Variants in MKRN2OS observed in about 807,000 individuals in gnomAD.
MKRN2OS encodes the protein MKRN2 opposite strand protein.
Under a neutral mutation model 18.2 loss-of-function variants are expected in MKRN2OS, and 17 were observed. That is an observed-to-expected ratio of 0.93 (90% CI 0.64 to 1.40). The LOEUF (loss-of-function observed/expected upper bound fraction) is 1.40. Among genes scored for constraint, MKRN2OS ranks in the 40% most tolerant of loss-of-function variants. The pLI is 0.00. For synonymous variants in MKRN2OS, 121 were observed against 108.5 expected, an observed-to-expected ratio of 1.12 and a Z score of -0.72; for missense variants, 337 against 283.0, an observed-to-expected ratio of 1.19 and a Z score of -1.37.
downstream of MKRN2OS, among the ~76,000 whole-genome samples, chr3:12,550,904 G>T (rs1680159029): frequency 6.6e-6 from 1 of 152,072 alleles, no homozygotes; most frequent in South Asian, 2.1e-4. Flanking sequence ...TTCCCTAGTG[G>T]GTACATATCC....
At chr3:12,554,362 TCTAAGTG>T (rs1324163701) in intron 1 of MKRN2OS, among the ~76,000 whole-genome samples, 1 of 151,990 alleles carries the variant, frequency 6.6e-6, no homozygotes, top group Non-Finnish European at 1.5e-5. Flanking sequence ...TCGGGAAAAG[TCTAAGTG>T]CTAAGTACCA....
At chr3:12,549,253 A>ATTTG (rs548354263), upstream of MKRN2OS, among the ~76,000 whole-genome samples, 309 of 135,768 alleles carry the variant, frequency 2.3e-3, 2 homozygotes, top group Middle Eastern at 0.039. Flanking sequence ...TATGTTATTT[A>ATTTG]TTTGTTTGTT....
rs1217174632 is a variant in MKRN2OS at position 12,540,435 on chromosome 3, T to C, written c.432-2A>G. ...CAGTTATGGTGGTTGTCTTCATACC[T>C]TATGGAGGAGAATAAGGGTGTTGAG... On this transcript the variant is annotated splice_acceptor_variant, in intron 3 of 3. Coordinates refer to ENST00000564146, the MANE Select transcript of MKRN2OS (RefSeq NM_001195279.2). LOFTEE classifies it high-confidence loss of function. 1.4e-5 allele frequency: 22 copies of C among 1,535,954 alleles called. No homozygotes were observed. The highest frequency in any genetic ancestry group is 1.9e-5 in the Non-Finnish European group (22 of 1,146,894).
chr3:12,543,276 A>G (rs1267369201), intron 1 of MKRN2OS, 47 bp from the exon 2 acceptor site: 2 of 1,483,008 alleles, frequency 1.3e-6, no homozygotes, highest in Non-Finnish European at 9.1e-7. Context: ...TGTATTTGGC[A>G]TGAAGAATTG....
At chr3:12,551,571 G>C (rs1273894242), downstream of MKRN2OS, among the ~76,000 whole-genome samples, 1 of 151,388 alleles carries the variant, frequency 6.6e-6, no homozygotes, top group African/African-American at 2.4e-5. Context: ...ATACACGAAA[G>C]GATAAATAAA....
At chr3:12,555,728 C>A (rs1199438434) in intron 1 of MKRN2OS, among the ~76,000 whole-genome samples, 1 of 152,230 alleles carries the variant, frequency 6.6e-6, no homozygotes, top group African/African-American at 2.4e-5. Flanking sequence ...GGAAGCCCTT[C>A]TGGGGTGTCG....
intron 1 of MKRN2OS, among the ~76,000 whole-genome samples, chr3:12,555,774 G>A (rs1481558035): frequency 6.6e-6 from 1 of 152,108 alleles, no homozygotes; most frequent in African/African-American, 2.4e-5. Flanking sequence ...CTGCAGCCTC[G>A]ACTGCAGTGA....
chr3:12,551,657 C>T (rs1430391394), downstream of MKRN2OS, among the ~76,000 whole-genome samples: 1 of 151,954 alleles, frequency 6.6e-6, no homozygotes, highest in Non-Finnish European at 1.5e-5. Flanking sequence ...AAATCAAGGC[C>T]AGGCATAGTG....
chr3:12,552,927 G>T (rs2057940166), downstream of MKRN2OS, among the ~76,000 whole-genome samples: 1 of 150,314 alleles, frequency 6.7e-6, no homozygotes, highest in Non-Finnish European at 1.5e-5. Context: ...CCAGCTACTT[G>T]AGGGGCTGAA....
Position 12,539,981 on chromosome 3 carries a change from C to G in MKRN2OS, c.*212G>C, listed in dbSNP as rs544720135. 4.7e-4 allele frequency: 275 copies of G among 587,766 alleles called. 1 individual carries two copies. In the South Asian group the frequency reaches 5.5e-3, roughly 12 times the overall value. 36.4% of individuals were successfully genotyped at this position (587,766 alleles called of 1,614,324 possible). A position where few individuals can be genotyped will look rare whatever the true frequency, so the allele number is the denominator to read the frequency against. On this transcript the variant is annotated 3_prime_UTR_variant, in exon 4 of 4. Transcript: ENST00000564146. Reference sequence around the variant, plus strand: ...TATATTTTTAGTAAGGACGGGGTTTCTCCATGTTGGTCAGGCTGGTCTCAA... The same window carrying G: ...TATATTTTTAGTAAGGACGGGGTTTGTCCATGTTGGTCAGGCTGGTCTCAA...
downstream of MKRN2OS, among the ~76,000 whole-genome samples, chr3:12,551,459 C>A (rs1366498375): frequency 6.6e-6 from 1 of 150,758 alleles, no homozygotes; most frequent in Non-Finnish European, 1.5e-5. Context: ...TGTGCCTCTG[C>A]ACTCCAGCCT....
At chr3:12,547,185 C>A (rs910370324), upstream of MKRN2OS, among the ~76,000 whole-genome samples, 8 of 152,154 alleles carry the variant, frequency 5.3e-5, no homozygotes, top group African/African-American at 1.9e-4. Context: ...TTGTTTCTCA[C>A]ATAACATTTC....
At chr3:12,551,394 C>T (rs541041836), downstream of MKRN2OS, among the ~76,000 whole-genome samples, 1 of 151,798 alleles carries the variant, frequency 6.6e-6, no homozygotes, top group African/African-American at 2.4e-5. Flanking sequence ...ACTCGGGAGG[C>T]TGAGGCAGGA....
Position 12,541,986 on chromosome 3 carries a change from C to T in MKRN2OS, c.305G>A (p.Arg102Gln), listed in dbSNP as rs556445854. Residue 102 changes from arginine (R) to glutamine (Q), a missense_variant, in exon 3 of 4, where the codon CGA (arginine) becomes CAA (glutamine). Transcript: ENST00000564146. Reference sequence around the variant, plus strand: ...GCTCTCTTCCCACCCTTCTCCGTCTCGCTGGACACCATGTGCACTGTAATT... The same window carrying T: ...GCTCTCTTCCCACCCTTCTCCGTCTTGCTGGACACCATGTGCACTGTAATT... ...VYNYSAHGVQ[R>Q]DGEGWEESIS... 4.5e-4 allele frequency: 687 copies of T among 1,535,926 alleles called. 1 individual carries two copies. The highest frequency in any genetic ancestry group is 2.3e-3 in the Middle Eastern group (14 of 6,012).
At position 12,540,273 on chromosome 3, in the gene MKRN2OS, C is replaced by T. The variant is rs1424900581; in HGVS notation, c.592G>A (p.Ala198Thr). 2 of 1,536,112 alleles carry T rather than the reference C, an allele frequency of 1.3e-6. No homozygotes were observed. Among genetic ancestry groups the T allele is most frequent in the Non-Finnish European group, 1.7e-6 (2 of 1,146,910 alleles). Residue 198 changes from alanine (A) to threonine (T), a missense_variant, in exon 4 of 4, where the codon GCG becomes ACG. Transcript: ENST00000564146. ...LASKFITLYR[A>T]IREHGFYVTD... ...ACGTAGAAGCCATGCTCCCGTATCGCCCGGTAGAGTGTGATGAACTTGGAT... is the reference window on the plus strand; with the variant it reads ...ACGTAGAAGCCATGCTCCCGTATCGTCCGGTAGAGTGTGATGAACTTGGAT...
At chr3:12,541,469 T>G (rs1164923171) in intron 3 of MKRN2OS, among the ~76,000 whole-genome samples, 2 of 152,194 alleles carry the variant, frequency 1.3e-5, no homozygotes, top group Non-Finnish European at 2.9e-5. Context: ...TCTACCTGCC[T>G]CAGTCTCCCA....
At position 12,540,003 on chromosome 3, in the gene MKRN2OS, T is replaced by G. The variant is rs549718017; in HGVS notation, c.*190A>C. 770 of 723,070 alleles carry G rather than the reference T, an allele frequency of 1.1e-3. 4 individuals are homozygous for G. The African/African-American group carries it at 0.011, about 11-fold the overall frequency. The allele number at this position is 723,070 out of a possible 1,614,324, so 44.8% of individuals were successfully genotyped here. A position where few individuals can be genotyped will look rare whatever the true frequency, so the allele number is the denominator to read the frequency against. ...TTTCTCCATGTTGGTCAGGCTGGTCTCAAACTCCCAACCTCAGGTGACCTA... is the reference window on the plus strand; with the variant it reads ...TTTCTCCATGTTGGTCAGGCTGGTCGCAAACTCCCAACCTCAGGTGACCTA... On this transcript the variant is annotated 3_prime_UTR_variant, in exon 4 of 4. Transcript: ENST00000564146.
chr3:12,559,754 C>T (rs528407511), intron 1 of MKRN2OS, among the ~76,000 whole-genome samples: 39 of 152,300 alleles, frequency 2.6e-4, no homozygotes, highest in African/African-American at 8.4e-4. Context: ...GCTGATTCCC[C>T]TCCCCCACAA....
intron 1 of MKRN2OS, chr3:12,557,092 C>A (rs1042378404): frequency 6.7e-7 from 1 of 1,482,872 alleles, no homozygotes; most frequent in South Asian, 1.3e-5. Context: ...GGGCCAAGGC[C>A]GAGGCGGCAG....
Sources: allele counts gnomAD v4.1 joint callset (sites outside exome capture counted in the v4.1 genomes callset), GRCh38; gene constraint gnomAD v4.1.1; transcripts MANE v1.5; gene names NCBI Gene and HGNC (gene_info 2026-07-23, HGNC 2026-07-21).